KCND2: variants seen among roughly 807,000 people sequenced by gnomAD.
The protein encoded by KCND2 is potassium voltage-gated channel subfamily D member 2.
A neutral mutation model predicts 54.4 loss-of-function variants in KCND2; 16 were observed. The observed-to-expected ratio is 0.29, with a 90% CI of 0.20 to 0.45. KCND2 has a LOEUF of 0.45. Among genes scored for constraint, KCND2 ranks in the 20% least tolerant of loss-of-function variants. The probability of loss-of-function intolerance (pLI) is 1.00; values close to 1 mark genes in which losing one functional copy is unlikely to be tolerated. For missense variants in KCND2, 486 were observed against 824.2 expected, an observed-to-expected ratio of 0.59 and a Z score of 5.02; for synonymous variants, 317 against 310.7, an observed-to-expected ratio of 1.02 and a Z score of -0.21.
In KCND2 at chr7:120,537,744, C is replaced by G. The variant is rs150340943; in HGVS notation, c.1116-195159C>G. Among the ~76,000 whole-genome samples the G allele has an allele frequency of 3.6e-3, 551 of 152,294 alleles. 3 individuals are homozygous for G. Among genetic ancestry groups the G allele is most frequent in the African/African-American group, 0.013 (531 of 41,552 alleles). On this transcript the variant is annotated intron_variant, in intron 1 of 5. Coordinates refer to ENST00000331113, the MANE Select transcript of KCND2 (RefSeq NM_012281.3). ...TCTTTCCGTAAACCTCATGAACCAACCTGTGCTAGCTTCAAATTTGTCTTC... is the reference window on the plus strand; with the variant it reads ...TCTTTCCGTAAACCTCATGAACCAAGCTGTGCTAGCTTCAAATTTGTCTTC...
chr7:120,731,142 A>G (rs1321825543), intron 1 of KCND2, among the ~76,000 whole-genome samples: 2 of 152,184 alleles, frequency 1.3e-5, no homozygotes, highest in East Asian at 3.8e-4. Context: ...GAGAAAGTGT[A>G]CTCATTCAAC....
At chr7:120,567,180 A>G (rs1208320587) in intron 1 of KCND2, among the ~76,000 whole-genome samples, 2 of 152,184 alleles carry the variant, frequency 1.3e-5, no homozygotes, top group African/African-American at 2.4e-5. Context: ...CCCTTCAACA[A>G]TTGAAATGAT....
In KCND2 at chr7:120,745,768, A is replaced by C; in HGVS notation, c.1468-12A>C. 1 of 1,613,534 alleles carries C rather than the reference A, an allele frequency of 6.2e-7. No homozygotes were observed. Among genetic ancestry groups the C allele is most frequent in the African/African-American group, 1.3e-5 (1 of 75,022 alleles). On this transcript the variant is annotated splice_polypyrimidine_tract_variant and intron_variant, in intron 4 of 5. Transcript: ENST00000331113. Reference sequence around the variant, plus strand: ...TTCTCTGTTTCTTCATTTACTTACAACTGTGGAACAGAATCACGAGTTTGT... The same window carrying C: ...TTCTCTGTTTCTTCATTTACTTACACCTGTGGAACAGAATCACGAGTTTGT...
intron 1 of KCND2, among the ~76,000 whole-genome samples, chr7:120,642,092 C>T (rs1464744995): frequency 1.3e-5 from 2 of 151,944 alleles, no homozygotes; most frequent in Non-Finnish European, 2.9e-5. Flanking sequence ...AATAGGGTTT[C>T]ATTTTCTCGG....
intron 1 of KCND2, among the ~76,000 whole-genome samples, chr7:120,719,603 T>C (rs532589296): frequency 2.0e-5 from 3 of 152,238 alleles, no homozygotes; most frequent in African/African-American, 7.2e-5. Flanking sequence ...CACAAGAATA[T>C]TTTTCTTTAT....
chr7:120,691,520 C>G (rs1792268690), intron 1 of KCND2, among the ~76,000 whole-genome samples: 1 of 152,102 alleles, frequency 6.6e-6, no homozygotes, highest in African/African-American at 2.4e-5. Flanking sequence ...GAGCAACTTA[C>G]AGATGGTGCT....
chr7:120,671,625 A>G lies in KCND2; in HGVS notation c.1116-61278A>G, dbSNP rs567541995. On this transcript the variant is annotated intron_variant, in intron 1 of 5. Coordinates refer to ENST00000331113, the MANE Select transcript of KCND2 (RefSeq NM_012281.3). The stretch of plus-strand genomic sequence containing the variant: ...CCAGTCCTTTCCTCACCACTGTCAT[A>G]CATAGGAGACTCCTCTCTATACCAG... Among the ~76,000 whole-genome samples the G allele has an allele frequency of 8.8e-4, 134 of 152,206 alleles. 1 individual carries two copies. Among genetic ancestry groups the G allele is most frequent in the Admixed American group, 2.4e-3 (37 of 15,298 alleles).
chr7:120,396,836 A>T (rs1352479742), intron 1 of KCND2, among the ~76,000 whole-genome samples: 1 of 152,094 alleles, frequency 6.6e-6, no homozygotes, highest in Non-Finnish European at 1.5e-5. Flanking sequence ...CACAGAACAG[A>T]CACCAGTGGG....
At chr7:120,740,565 G>A (rs945739446) in intron 2 of KCND2, among the ~76,000 whole-genome samples, 1 of 151,998 alleles carries the variant, frequency 6.6e-6, no homozygotes, top group Non-Finnish European at 1.5e-5. Flanking sequence ...TTTCCATGAC[G>A]GTCTAAATGC....
chr7:120,457,983 C>T (rs1267197869), intron 1 of KCND2, among the ~76,000 whole-genome samples: 1 of 152,154 alleles, frequency 6.6e-6, no homozygotes, highest in East Asian at 1.9e-4. Context: ...GAAGCAAACA[C>T]TTCCTTATTG....
At chr7:120,452,520 G>C (rs888966245) in intron 1 of KCND2, among the ~76,000 whole-genome samples, 2 of 152,106 alleles carry the variant, frequency 1.3e-5, no homozygotes, top group East Asian at 3.9e-4. Flanking sequence ...GAAGGGGAAG[G>C]GAGCTGGGAA....
intron 1 of KCND2, among the ~76,000 whole-genome samples, chr7:120,587,459 A>G (rs757735743): frequency 7.9e-5 from 12 of 152,170 alleles, no homozygotes; most frequent in South Asian, 2.1e-4. Context: ...GATCTGTTTC[A>G]TGATCAGTCA....
In KCND2 at chr7:120,529,469, A is replaced by C. The variant is rs117361557; in HGVS notation, c.1116-203434A>C. 1.3e-3 allele frequency among the ~76,000 whole-genome samples: 197 copies of C among 152,264 alleles called. 1 individual carries two copies. In the East Asian group the frequency reaches 0.016, roughly 13 times the overall value. ...CTCTTACCTTGGCTAAATTTCAACT[A>C]TGTCAGTAAAATCCCAAAGAGCAAA... On this transcript the variant is annotated intron_variant, in intron 1 of 5. Coordinates refer to ENST00000331113, the MANE Select transcript of KCND2 (RefSeq NM_012281.3).
chr7:120,419,562 C>A (rs1801578911), intron 1 of KCND2, among the ~76,000 whole-genome samples: 1 of 152,076 alleles, frequency 6.6e-6, no homozygotes, highest in South Asian at 2.1e-4. Flanking sequence ...GGTGCAAAAC[C>A]ACTAGAGCAT....
chr7:120,687,250 T>C (rs557700292), intron 1 of KCND2, among the ~76,000 whole-genome samples: 57 of 152,150 alleles, frequency 3.7e-4, no homozygotes, highest in Non-Finnish European at 5.7e-4. Flanking sequence ...ACTGCATTAG[T>C]GTCCAGTGGT....
chr7:120,441,264 C>T (rs1801941566), intron 1 of KCND2, among the ~76,000 whole-genome samples: 2 of 151,968 alleles, frequency 1.3e-5, no homozygotes, highest in Non-Finnish European at 2.9e-5. Flanking sequence ...ACATAGTTTG[C>T]TCATCTATGC....
Position 120,275,151 on chromosome 7 carries a change from G to GGC in KCND2, c.520_521dup (p.Phe175ProfsTer65). ...TGACTGCAAGGCAGAGGGTCTGGAG[G>GGC]GCCTTCGAGAACCCCCACACCAGCA... On this transcript the variant is annotated frameshift_variant, in exon 1 of 6. Coordinates refer to ENST00000331113, the MANE Select transcript of KCND2 (RefSeq NM_012281.3). LOFTEE classifies it high-confidence loss of function. The GGC allele has an allele frequency of 6.2e-7, 1 of 1,613,994 alleles. No individual in the cohort carries two copies. The highest frequency in any genetic ancestry group is 8.5e-7 in the Non-Finnish European group (1 of 1,180,006).
At chr7:120,732,832 A>C in intron 1 of KCND2, 71 bp from the exon 2 acceptor site, 1 of 1,325,454 alleles carries the variant, frequency 7.5e-7, no homozygotes, top group Non-Finnish European at 1.1e-6. Context: ...AAAGGAAAAA[A>C]TTCTTAGTTT....
rs374099335 is a variant in KCND2, at chr7:120,678,824, A to G, written c.1116-54079A>G. ...CTATCAATGAGGGCTTATTGTGAATATAAAGTCCAGTTTCAGCTTGAGTTG... is the reference window on the plus strand; with the variant it reads ...CTATCAATGAGGGCTTATTGTGAATGTAAAGTCCAGTTTCAGCTTGAGTTG... On this transcript the variant is annotated intron_variant, in intron 1 of 5. Transcript: ENST00000331113. Among the ~76,000 whole-genome samples the G allele has an allele frequency of 3.3e-5, 5 of 149,552 alleles. No individual in the cohort carries two copies. The East Asian group carries it at 9.8e-4, about 29-fold the overall frequency.
Sources: gnomAD v4.1 joint callset for allele counts (sites outside exome capture counted in the v4.1 genomes callset) on GRCh38, gnomAD v4.1.1 for gene constraint, MANE v1.5 for transcripts, NCBI Gene and HGNC (gene_info 2026-07-23, HGNC 2026-07-21) for gene names.